The following DSCAML1 variants were observed in gnomAD, a reference collection of about 807,000 sequenced individuals.
DSCAML1 encodes cell adhesion molecule DSCAML1.
A neutral mutation model predicts 200.5 loss-of-function variants in DSCAML1; 38 were observed. The observed-to-expected ratio is 0.19, with a 90% CI of 0.15 to 0.25. The LOEUF is 0.25. Ranked by LOEUF, DSCAML1 falls within the 10% of genes least tolerant of loss-of-function variation. DSCAML1 has a pLI of 1.00. For synonymous variants in DSCAML1, 1,215 were observed against 1,165.0 expected, an observed-to-expected ratio of 1.04 and a Z score of -0.87; for missense variants, 2,223 against 2,858.8, an observed-to-expected ratio of 0.78 and a Z score of 5.07.
intron 3 of DSCAML1, among the ~76,000 whole-genome samples, chr11:117,594,711 G>A (rs2051326983): frequency 6.6e-6 from 1 of 152,130 alleles, no homozygotes; most frequent in African/African-American, 2.4e-5. Context: ...GGCTACTCAG[G>A]CTCCTCCCTG....
chr11:117,632,554 C>T (rs952467583), intron 3 of DSCAML1, among the ~76,000 whole-genome samples: 5 of 152,148 alleles, frequency 3.3e-5, no homozygotes, highest in East Asian at 1.9e-4. Context: ...TCCTGGGAGC[C>T]GATATGCCAC....
chr11:117,473,994 A>C (rs955298709), intron 14 of DSCAML1, among the ~76,000 whole-genome samples: 1 of 151,972 alleles, frequency 6.6e-6, no homozygotes, highest in Non-Finnish European at 1.5e-5. Flanking sequence ...TGTTTATAGG[A>C]GAGGGAGAGG....
rs1565281011 is a variant in DSCAML1 at position 117,780,298 on chromosome 11, A to AAGAAAGAG, written c.364+187_364+194dup. ...AAAGAAAGAAAGAAAGAAAGAAAGA[A>AAGAAAGAG]AGAAAGAGAGAAAGGAGAAAGAAAG... On this transcript the variant is annotated intron_variant, in intron 2 of 32. Transcript: ENST00000651296. The surrounding 1 kb of genome is among the most constrained non-coding windows in gnomAD (Gnocchi z 4.8). Among the ~76,000 whole-genome samples the AAGAAAGAG allele has an allele frequency of 3.6e-5, 4 of 111,118 alleles. No homozygotes were observed. The highest frequency in any genetic ancestry group is 2.5e-4 in the East Asian group (1 of 3,924). 72.9% of individuals were successfully genotyped at this position (111,118 alleles called of 152,430 possible). A position where few individuals can be genotyped will look rare whatever the true frequency, so the allele number is the denominator to read the frequency against.
At chr11:117,809,903 TCA>T (rs201683364) in intron 1 of DSCAML1, among the ~76,000 whole-genome samples, 8,841 of 148,854 alleles carry the variant, frequency 0.059, 327 homozygotes, top group East Asian at 0.16. Context: ...ACCCACACAC[TCA>T]CACACACATT....
At chr11:117,588,199 G>C (rs1251352752) in intron 3 of DSCAML1, among the ~76,000 whole-genome samples, 2 of 152,140 alleles carry the variant, frequency 1.3e-5, no homozygotes, top group Non-Finnish European at 2.9e-5. Context: ...GGAGGCCCAG[G>C]CATCTGGCAC....
At chr11:117,594,865 C>CA (rs1324060675) in intron 3 of DSCAML1, among the ~76,000 whole-genome samples, 2 of 152,200 alleles carry the variant, frequency 1.3e-5, no homozygotes, top group Non-Finnish European at 2.9e-5. Context: ...CTTTATTATT[C>CA]ACTTCTCCTG....
chr11:117,730,218 G>A (rs2054197303), intron 3 of DSCAML1, among the ~76,000 whole-genome samples: 1 of 152,068 alleles, frequency 6.6e-6, no homozygotes, highest in African/African-American at 2.4e-5. Context: ...GGGAGGCAGT[G>A]GAATCCGGAA....
chr11:117,652,935 C>G (rs537136448), intron 3 of DSCAML1, among the ~76,000 whole-genome samples: 20 of 152,272 alleles, frequency 1.3e-4, no homozygotes, highest in African/African-American at 3.6e-4. Flanking sequence ...TTCTTCTCTC[C>G]AATGTTAGCT....
intron 19 of DSCAML1, among the ~76,000 whole-genome samples, chr11:117,452,421 C>T (rs2048300062): frequency 6.6e-6 from 1 of 152,040 alleles, no homozygotes; most frequent in Non-Finnish European, 1.5e-5. Flanking sequence ...ACTAATATTC[C>T]AGTTTTCTAT....
At chr11:117,487,690 G>T (rs769449476) in intron 11 of DSCAML1, among the ~76,000 whole-genome samples, 3 of 152,172 alleles carry the variant, frequency 2.0e-5, no homozygotes, top group African/African-American at 7.2e-5. Context: ...TTTGACGAAG[G>T]ACATTGACAG....
At chr11:117,720,486 C>G (rs1283273218) in intron 3 of DSCAML1, among the ~76,000 whole-genome samples, 1 of 152,198 alleles carries the variant, frequency 6.6e-6, no homozygotes, top group African/African-American at 2.4e-5. Flanking sequence ...GAGCTGGCTC[C>G]AAGAGCTTGT....
intron 3 of DSCAML1, among the ~76,000 whole-genome samples, chr11:117,623,216 C>CTTTTTTTTTTTTT (rs56343852): frequency 5.0e-5 from 6 of 121,110 alleles, no homozygotes; most frequent in Non-Finnish European, 9.9e-5. Context: ...CTTTTCTTTT[C>CTTTTTTTTTTTTT]TTTTTTTTTT....
intron 3 of DSCAML1, among the ~76,000 whole-genome samples, chr11:117,756,129 G>T (rs2054687454): frequency 6.6e-6 from 1 of 152,214 alleles, no homozygotes; most frequent in Non-Finnish European, 1.5e-5. Context: ...GTGGAAAAAA[G>T]AAAAGTGGCT....
intron 3 of DSCAML1, among the ~76,000 whole-genome samples, chr11:117,677,125 A>T (rs2053229707): frequency 6.6e-6 from 1 of 152,202 alleles, no homozygotes; most frequent in Non-Finnish European, 1.5e-5. Context: ...TTTGGCTCTG[A>T]TATCCTCAAT....
rs1565746397 is a variant in DSCAML1, at chr11:117,504,376, G to C, written c.2183-355C>G. ...TGGAGAGAAGATTGAGCCTTCAAAT[G>C]GCAGTTGTCTGGTCTCAGGCAACCA... On this transcript the variant is annotated intron_variant, in intron 10 of 32. Coordinates refer to ENST00000651296, the MANE Select transcript of DSCAML1 (RefSeq NM_020693.4). The surrounding 1 kb of genome is among the most constrained non-coding windows in gnomAD (Gnocchi z 5.0). Among the ~76,000 whole-genome samples, 1 of 152,220 alleles carries C rather than the reference G, an allele frequency of 6.6e-6. No individual in the cohort carries two copies. The highest frequency in any genetic ancestry group is 1.5e-5 in the Non-Finnish European group (1 of 68,030).
chr11:117,512,615 A>G (rs1185633546), intron 8 of DSCAML1, among the ~76,000 whole-genome samples: 1 of 149,462 alleles, frequency 6.7e-6, no homozygotes. Flanking sequence ...AGGGTGGGGA[A>G]GGGGGAAGGT....
chr11:117,719,728 A>G (rs544375837), intron 3 of DSCAML1, among the ~76,000 whole-genome samples: 111 of 152,350 alleles, frequency 7.3e-4, no homozygotes, highest in Middle Eastern at 3.4e-3. Flanking sequence ...GCAGAGCAGA[A>G]GTCTGAACCT....
chr11:117,734,096 C>A (rs1299132309), intron 3 of DSCAML1, among the ~76,000 whole-genome samples: 1 of 152,068 alleles, frequency 6.6e-6, no homozygotes, highest in African/African-American at 2.4e-5. Context: ...GGCCTCGAAT[C>A]TCAGGGACCA....
At chr11:117,502,695 C>T (rs1480293514) in intron 11 of DSCAML1, among the ~76,000 whole-genome samples, 1 of 152,182 alleles carries the variant, frequency 6.6e-6, no homozygotes, top group Non-Finnish European at 1.5e-5. Flanking sequence ...GGCTTTCCCA[C>T]CTGCACCCTG....
Sources: allele counts gnomAD v4.1 joint callset (sites outside exome capture counted in the v4.1 genomes callset), GRCh38; gene constraint gnomAD v4.1.1; non-coding constraint Gnocchi (gnomAD v3.1); transcripts MANE v1.5; gene names NCBI Gene and HGNC (gene_info 2026-07-23, HGNC 2026-07-21).